The following TCF25 variants were observed in gnomAD, a reference collection of about 807,000 sequenced individuals.
The protein encoded by TCF25 is TCF25 ribosome quality control complex subunit.
A neutral mutation model predicts 83.1 loss-of-function variants in TCF25; 41 were observed. The ratio of observed to expected loss-of-function variants is 0.49; its 90% CI spans 0.38 to 0.64. The LOEUF (loss-of-function observed/expected upper bound fraction) is 0.64, where lower values mean the gene tolerates loss of function less well. Among genes scored for constraint, TCF25 ranks in the 30% least tolerant of loss-of-function variants. The pLI, the probability that TCF25 is intolerant of heterozygous loss-of-function variation, is 0.00. For synonymous variants in TCF25, 458 were observed against 365.0 expected (o/e 1.25, Z -2.90); for missense variants, 979 against 914.5 (o/e 1.07, Z -0.91).
At chr16:89,888,997 T>G (rs1323968151) in intron 5 of TCF25, among the ~76,000 whole-genome samples, 1 of 151,734 alleles carries the variant, frequency 6.6e-6, no homozygotes, top group Non-Finnish European at 1.5e-5. Context: ...CAGATAAATT[T>G]CATCTGTGTC....
intron 3 of TCF25, among the ~76,000 whole-genome samples, chr16:89,885,598 T>A (rs376176686): frequency 1.3e-5 from 2 of 152,226 alleles, no homozygotes; most frequent in African/African-American, 4.8e-5. Context: ...AGCACACCAG[T>A]GTGATGTGGA....
intron 1 of TCF25, among the ~76,000 whole-genome samples, chr16:89,879,905 C>T (rs533874213): frequency 4.6e-5 from 7 of 151,612 alleles, no homozygotes; most frequent in East Asian, 3.8e-4. Context: ...GCCTGTCACA[C>T]GTGTTGTCCG....
chr16:89,904,757 C>T (rs1390603431), intron 13 of TCF25, 181 bp from the exon 14 acceptor site: 8 of 746,780 alleles, frequency 1.1e-5, no homozygotes, highest in Admixed American at 4.0e-5. Context: ...AACAGGCTCA[C>T]GGCACATACC....
intron 15 of TCF25, among the ~76,000 whole-genome samples, chr16:89,906,926 C>T (rs1023504753): frequency 2.0e-5 from 3 of 152,130 alleles, no homozygotes; most frequent in Non-Finnish European, 2.9e-5. Flanking sequence ...GTGGGAGCTT[C>T]TGACACGTGG....
chr16:89,906,117 G>A, intron 14 of TCF25, 77 bp from the exon 15 acceptor site: 1 of 1,286,738 alleles, frequency 7.8e-7, no homozygotes, highest in Non-Finnish European at 1.1e-6. Flanking sequence ...GGTGGGGGTG[G>A]GGGCCGAGGC....
At chr16:89,907,775 T>TTCCCACCTCCCAGC (rs1597388775) in intron 16 of TCF25, among the ~76,000 whole-genome samples, 1 of 1,296 alleles carries the variant, frequency 7.7e-4, no homozygotes, top group Non-Finnish European at 1.3e-3. Context: ...CTCCTCCCAG[T>TTCCCACCTCCCAGC]TCCCACCTCC....
intron 13 of TCF25, chr16:89,904,543 G>A (rs2044613683): frequency 1.0e-5 from 5 of 490,592 alleles, no homozygotes; most frequent in Admixed American, 3.3e-5. Flanking sequence ...TTGTGCTGCT[G>A]CACTCCAGCC....
intron 1 of TCF25, among the ~76,000 whole-genome samples, chr16:89,876,927 TAAAAAAAAA>T (rs71137687): frequency 2.9e-5 from 2 of 68,028 alleles, no homozygotes; most frequent in East Asian, 4.7e-4. Context: ...AGACTCCATC[TAAAAAAAAA>T]AAAAAAAAAA....
intron 8 of TCF25, among the ~76,000 whole-genome samples, chr16:89,895,490 G>A (rs1433619759): frequency 2.0e-5 from 3 of 152,306 alleles, no homozygotes; most frequent in African/African-American, 7.2e-5. Flanking sequence ...ACAGGCATGA[G>A]CCACCACGCC....
intron 1 of TCF25, among the ~76,000 whole-genome samples, chr16:89,880,882 G>A (rs2042555564): frequency 6.6e-6 from 1 of 152,226 alleles, no homozygotes; most frequent in African/African-American, 2.4e-5. Flanking sequence ...ACTGCAGGGT[G>A]CAAGGCAGCC....
rs1217893674 is a variant in TCF25 at position 89,904,168 on chromosome 16, T to C, written c.1432T>C (p.Ser478Pro). ...CAGTGTGCGGCCCGACGCCAGCGTT[T>C]CCAGTCACCGCTTCTTTGGACCCAA... Reference protein sequence around the residue: ...SCSVRPDASVSSHRFFGPNAE... With the variant: ...SCSVRPDASVPSHRFFGPNAE... Residue 478 changes from serine (S) to proline (P), a missense_variant, in exon 13 of 18, where the codon TCC becomes CCC. By Grantham distance (74) the Ser-to-Pro change is moderately conservative. Coordinates refer to ENST00000263346, the MANE Select transcript of TCF25 (RefSeq NM_014972.3). 3 of 1,602,036 alleles carry C rather than the reference T, an allele frequency of 1.9e-6. No individual in the cohort carries two copies. The highest frequency in any genetic ancestry group is 1.7e-5 in the Admixed American group (1 of 58,598).
At chr16:89,875,814 G>A (rs796249730) in intron 1 of TCF25, among the ~76,000 whole-genome samples, 2 of 130,796 alleles carry the variant, frequency 1.5e-5, no homozygotes, top group African/African-American at 6.0e-5. Flanking sequence ...GAGCCACTGC[G>A]CCTGGCTTTT....
intron 1 of TCF25, chr16:89,878,396 G>A: frequency 8.3e-7 from 1 of 1,204,614 alleles, no homozygotes; most frequent in Non-Finnish European, 1.1e-6. Context: ...GACCAGCCTG[G>A]CCGACATGGT....
intron 16 of TCF25, among the ~76,000 whole-genome samples, chr16:89,908,269 C>T (rs2045144023): frequency 8.8e-6 from 1 of 113,032 alleles, no homozygotes; most frequent in Non-Finnish European, 1.8e-5. Flanking sequence ...CCAGCTCCCT[C>T]TTCCCTCCTC....
At chr16:89,880,334 A>G (rs1430577748) in intron 1 of TCF25, among the ~76,000 whole-genome samples, 4 of 152,270 alleles carry the variant, frequency 2.6e-5, no homozygotes, top group African/African-American at 9.6e-5. Context: ...CTGTAATCCC[A>G]GCACTTTGGG....
intron 7 of TCF25, among the ~76,000 whole-genome samples, chr16:89,894,257 C>T (rs1344616154): frequency 6.6e-6 from 1 of 151,902 alleles, no homozygotes; most frequent in Non-Finnish European, 1.5e-5. Context: ...CCCGGACGGC[C>T]CCCGCGCAGC....
intron 5 of TCF25, among the ~76,000 whole-genome samples, chr16:89,889,032 G>A (rs989929367): frequency 2.0e-5 from 3 of 151,604 alleles, no homozygotes; most frequent in African/African-American, 7.3e-5. Flanking sequence ...TAGCAGTTGG[G>A]CAGCCCCAGA....
In TCF25 at chr16:89,884,515, T is replaced by G; in HGVS notation, c.355-67T>G. On this transcript the variant is annotated intron_variant, in intron 2 of 17. Coordinates refer to ENST00000263346, the MANE Select transcript of TCF25 (RefSeq NM_014972.3). ...TAGGTGAGGGTGGAGTCACGCTTGCTGCTTTAATTCTCACTTCTTAAGATT... is the reference window on the plus strand; with the variant it reads ...TAGGTGAGGGTGGAGTCACGCTTGCGGCTTTAATTCTCACTTCTTAAGATT... 7 of 1,557,160 alleles carry G rather than the reference T, an allele frequency of 4.5e-6. No individual in the cohort carries two copies. In the South Asian group the frequency reaches 7.9e-5, roughly 18 times the overall value.
intron 5 of TCF25, chr16:89,889,167 G>A (rs1414531636): frequency 3.4e-5 from 13 of 378,680 alleles, no homozygotes; most frequent in South Asian, 1.2e-4. Flanking sequence ...ACTCTCCATC[G>A]AAGTGTCCAG....
Sources: allele counts gnomAD v4.1 joint callset (sites outside exome capture counted in the v4.1 genomes callset), GRCh38; gene constraint gnomAD v4.1.1; transcripts MANE v1.5; gene names NCBI Gene and HGNC (gene_info 2026-07-23, HGNC 2026-07-21).